Variants in PAOX observed in about 807,000 individuals in gnomAD.
PAOX encodes the protein polyamine oxidase, also known as peroxisomal N(1)-acetyl-spermine/spermidine oxidase.
In PAOX, 38 loss-of-function variants were observed where a neutral mutation model predicts 39.0. The ratio of observed to expected loss-of-function variants is 0.97; its 90% CI spans 0.75 to 1.28. PAOX has a LOEUF of 1.28. Among genes scored for constraint, PAOX ranks in the 50% most tolerant of loss-of-function variants. PAOX has a pLI of 0.00. For missense variants in PAOX, 667 were observed against 685.7 expected, an observed-to-expected ratio of 0.97 and a Z score of 0.30; for synonymous variants, 311 against 314.4, an observed-to-expected ratio of 0.99 and a Z score of 0.11.
intron 4 of PAOX, among the ~76,000 whole-genome samples, chr10:133,385,146 A>T (rs1056308073): frequency 6.6e-6 from 1 of 152,034 alleles, no homozygotes; most frequent in African/African-American, 2.4e-5. Flanking sequence ...AAATACAAAA[A>T]ATTAGCCGGT....
rs754645921 is a variant in PAOX at position 133,379,972 on chromosome 10, C to T, written c.182-27C>T. 4 of 1,505,780 alleles carry T rather than the reference C, an allele frequency of 2.7e-6. No homozygotes were observed. In the African/African-American group the frequency reaches 5.6e-5, roughly 21 times the overall value. 93.3% of individuals were successfully genotyped at this position (1,505,780 alleles called of 1,614,324 possible). A position where few individuals can be genotyped will look rare whatever the true frequency, so the allele number is the denominator to read the frequency against. On this transcript the variant is annotated intron_variant, in intron 1 of 6. Transcript: ENST00000278060. ...GTGACCCTTCTAGGAAAGGGACCTC[C>T]AGGTGGCATCTGCTGTCCCCTCGCA...
chr10:133,391,409 T>G lies in PAOX; in HGVS notation c.1490T>G (p.Leu497Arg). The G allele has an allele frequency of 6.2e-7, 1 of 1,613,016 alleles. No homozygotes were observed. Among genetic ancestry groups the G allele is most frequent in the Non-Finnish European group, 8.5e-7 (1 of 1,179,972 alleles). The change falls in exon 7 of 7, where the codon CTC (leucine) becomes CGC (arginine). Residue 497 changes from leucine (L) to arginine (R), a missense_variant. Physicochemically the swap from Leu to Arg is moderately radical, Grantham distance 102. Coordinates refer to ENST00000278060, the MANE Select transcript of PAOX (RefSeq NM_152911.4). ...GGATGGAGGGAGGCCGACCGCCTCC[T>G]CAGTCTGTGGGCCCCGCAGGTGCAG... ...LSGWREADRL[L>R]SLWAPQVQQP...
intron 3 of PAOX, 33 bp from the exon 4 acceptor site, chr10:133,383,927 G>T: frequency 6.3e-7 from 1 of 1,593,334 alleles, no homozygotes; most frequent in Non-Finnish European, 8.6e-7. Flanking sequence ...AGGGCTTTAT[G>T]TGATGTAAGA....
chr10:133,386,766 G>A (rs1016503861), intron 4 of PAOX, among the ~76,000 whole-genome samples: 3 of 152,152 alleles, frequency 2.0e-5, no homozygotes, highest in Admixed American at 1.3e-4. Flanking sequence ...GAGCTACTGC[G>A]CCCGGCCAAA....
At chr10:133,388,322 C>T (rs755371351) in intron 4 of PAOX, among the ~76,000 whole-genome samples, 7 of 152,120 alleles carry the variant, frequency 4.6e-5, no homozygotes, top group Non-Finnish European at 1.0e-4. Context: ...TCCCATAGGC[C>T]CCAGTGTGTG....
chr10:133,389,470 C>G, intron 5 of PAOX, 120 bp from the exon 6 acceptor site: 2 of 1,410,464 alleles, frequency 1.4e-6, no homozygotes, highest in African/African-American at 1.4e-5. Context: ...CTCTGCTGCT[C>G]ACTTTTCTTC....
chr10:133,381,805 CTGTTA>C lies in PAOX; in HGVS notation c.868+151_868+155del, dbSNP rs879000849. ...TTCCAGATAGGTGGAAGGAATGATT[CTGTTA>C]TGTTTTGTAGCAATTACATGCTTTG... On this transcript the variant is annotated intron_variant, in intron 3 of 6. Coordinates refer to ENST00000278060, the MANE Select transcript of PAOX (RefSeq NM_152911.4). 7.3e-5 allele frequency: 60 copies of C among 824,874 alleles called. 1 individual carries two copies. The East Asian group carries it at 9.6e-4, about 13-fold the overall frequency. The allele number at this position is 824,874 out of a possible 1,614,324, so 51.1% of individuals were successfully genotyped here. A position where few individuals can be genotyped will look rare whatever the true frequency, so the allele number is the denominator to read the frequency against.
At chr10:133,380,702 G>A (rs1849342350) in intron 2 of PAOX, among the ~76,000 whole-genome samples, 1 of 152,258 alleles carries the variant, frequency 6.6e-6, no homozygotes, top group Admixed American at 6.5e-5. Context: ...AGGTAAGGCT[G>A]AGTGCGGTGG....
chr10:133,382,772 ACT>A (rs981204434), intron 3 of PAOX: 62 of 145,768 alleles, frequency 4.3e-4, no homozygotes, highest in African/African-American at 1.5e-3. Flanking sequence ...ACAGAGTGAG[ACT>A]CTGTCTCAGA....
chr10:133,391,422 C>T lies in PAOX; in HGVS notation c.1503C>T (p.Ala501=), dbSNP rs778390983. The change falls in exon 7 of 7, where the codon GCC becomes GCT. Residue 501 remains alanine (A), a synonymous_variant. Transcript: ENST00000278060. ...CCGACCGCCTCCTCAGTCTGTGGGC[C>T]CCGCAGGTGCAGCAGCCCAGGCCCA... ...READRLLSLW[A]PQVQQPRPRL 3.7e-6 allele frequency: 6 copies of T among 1,612,752 alleles called. No individual in the cohort carries two copies. Among genetic ancestry groups the T allele is most frequent in the Non-Finnish European group, 4.2e-6 (5 of 1,179,912 alleles).
chr10:133,390,735 A>C lies in PAOX; in HGVS notation c.1393-577A>C, dbSNP rs374722289. ...ACCTGCTTGGAAATGTTGCTTCTTG[A>C]GTTTTCAGTTTCAGGTGTTACTAAT... On this transcript the variant is annotated intron_variant, in intron 6 of 6. Transcript: ENST00000278060. 1.2e-5 allele frequency: 7 copies of C among 561,924 alleles called. 1 individual carries two copies. The African/African-American group carries it at 1.3e-4, about 11-fold the overall frequency. The allele number at this position is 561,924 out of a possible 1,614,324, so 34.8% of individuals were successfully genotyped here. A position where few individuals can be genotyped will look rare whatever the true frequency, so the allele number is the denominator to read the frequency against.
Position 133,389,515 on chromosome 10 carries a change from T to C in PAOX, c.1235-75T>C, listed in dbSNP as rs980312591. The C allele has an allele frequency of 3.8e-6, 6 of 1,595,324 alleles. No individual in the cohort carries two copies. The African/African-American group carries it at 8.1e-5, about 21-fold the overall frequency. On this transcript the variant is annotated intron_variant, in intron 5 of 6. Transcript: ENST00000278060. ...ATCTTTCACGTTAAACTGCTCAATC[T>C]TTAAAAATGACAAAAACAGTTGCAG...
At position 133,391,647 on chromosome 10, in the gene PAOX, C is replaced by G. The variant is rs1457099188; in HGVS notation, c.*192C>G. The stretch of plus-strand genomic sequence containing the variant: ...GCCAGGGTTGACTTGAGCTGAGACA[C>G]CAGATGCTCACGGAGATGCTGGACA... On this transcript the variant is annotated 3_prime_UTR_variant, in exon 7 of 7. Transcript: ENST00000278060. 2 of 844,684 alleles carry G rather than the reference C, an allele frequency of 2.4e-6. No homozygotes were observed. Among genetic ancestry groups the G allele is most frequent in the African/African-American group, 1.7e-5 (1 of 58,430 alleles). The allele number at this position is 844,684 out of a possible 1,614,324, so 52.3% of individuals were successfully genotyped here. A position where few individuals can be genotyped will look rare whatever the true frequency, so the allele number is the denominator to read the frequency against.
At chr10:133,380,707 CG>C (rs1849342914) in intron 2 of PAOX, among the ~76,000 whole-genome samples, 1 of 152,206 alleles carries the variant, frequency 6.6e-6, no homozygotes, top group African/African-American at 2.4e-5. Context: ...AGGCTGAGTG[CG>C]GTGGCTCACG....
rs1218116040 is a variant in PAOX at position 133,389,037 on chromosome 10, G to A, written c.1203G>A (p.Leu401=). The A allele has an allele frequency of 1.2e-6, 2 of 1,613,992 alleles. No homozygotes were observed. Residue 401 remains leucine, a synonymous_variant, in exon 5 of 7, where the codon CTG becomes CTA. Transcript: ENST00000278060. ...METLSDEEVL[L]CLTQVLRRVT... is the part of the protein sequence containing the mutation. ...CTCTGTCGGATGAAGAAGTACTTCT[G>A]TGTCTCACCCAAGTGCTCCGGAGAG...
chr10:133,387,830 C>T (rs1380485015), intron 4 of PAOX, among the ~76,000 whole-genome samples: 1 of 152,228 alleles, frequency 6.6e-6, no homozygotes, highest in East Asian at 1.9e-4. Flanking sequence ...ATGCCATTCT[C>T]CTGCCTCAAC....
rs1457180628 is a variant in PAOX at position 133,381,614 on chromosome 10, G to A, written c.823G>A (p.Gly275Arg). 2 of 1,613,368 alleles carry A rather than the reference G, an allele frequency of 1.2e-6. No homozygotes were observed. The highest frequency in any genetic ancestry group is 1.7e-6 in the Non-Finnish European group (2 of 1,180,018). ...TCCAGTGTCGGTAGAGTGTGAGGATGGAGACCGGTTCCCGGCGCACCATGT... is the reference window on the plus strand; with the variant it reads ...TCCAGTGTCGGTAGAGTGTGAGGATAGAGACCGGTTCCCGGCGCACCATGT... ...TFPVSVECEDGDRFPAHHVIV... is the reference protein window; with the variant it reads ...TFPVSVECEDRDRFPAHHVIV... Residue 275 changes from glycine to arginine, a missense_variant, in exon 3 of 7, where the codon GGA becomes AGA. Physicochemically the swap from Gly to Arg is moderately radical, Grantham distance 125. Coordinates refer to ENST00000278060, the MANE Select transcript of PAOX (RefSeq NM_152911.4).
At chr10:133,388,004 A>C (rs915498425) in intron 4 of PAOX, among the ~76,000 whole-genome samples, 3 of 152,138 alleles carry the variant, frequency 2.0e-5, no homozygotes, top group African/African-American at 7.2e-5. Context: ...GGCCTGAGCC[A>C]CTGTGCCTGG....
intron 6 of PAOX, among the ~76,000 whole-genome samples, chr10:133,390,005 CCCTTCT>C (rs1849632300): frequency 6.6e-6 from 1 of 152,184 alleles, no homozygotes; most frequent in Non-Finnish European, 1.5e-5. Flanking sequence ...GCCCCTTTTG[CCCTTCT>C]CAGACGGTGC....
Sources: gnomAD v4.1 joint callset for allele counts (sites outside exome capture counted in the v4.1 genomes callset) on GRCh38, gnomAD v4.1.1 for gene constraint, MANE v1.5 for transcripts, NCBI Gene and HGNC (gene_info 2026-07-23, HGNC 2026-07-21) for gene names.